The following PARP8 variants were observed in gnomAD, a reference collection of about 807,000 sequenced individuals.
PARP8 encodes poly(ADP-ribose) polymerase family member 8, also known as protein mono-ADP-ribosyltransferase PARP8.
A neutral mutation model predicts 124.1 loss-of-function variants in PARP8; 51 were observed. That is an observed-to-expected ratio of 0.41 (90% CI 0.33 to 0.52). The LOEUF is 0.52. Ranked by LOEUF, PARP8 falls within the 20% of genes least tolerant of loss-of-function variation. The pLI, the probability that PARP8 is intolerant of heterozygous loss-of-function variation, is 0.21. For missense variants in PARP8, 860 were observed against 1,018.9 expected (o/e 0.84, Z 2.12); for synonymous variants, 391 against 361.5 (o/e 1.08, Z -0.93).
chr5:50,683,102 G>T (rs916556714), intron 2 of PARP8, among the ~76,000 whole-genome samples: 1 of 152,098 alleles, frequency 6.6e-6, no homozygotes, highest in Non-Finnish European at 1.5e-5. Flanking sequence ...ATCATGAAGC[G>T]AGTGAGATGA....
At chr5:50,763,048 G>A (rs1760716995) in intron 6 of PARP8, 100 bp from the exon 7 acceptor site, 2 of 768,850 alleles carry the variant, frequency 2.6e-6, no homozygotes, top group Non-Finnish European at 4.4e-6. Context: ...AGCTAAAAAT[G>A]CCCATGGCAA....
chr5:50,716,475 TA>T (rs1755332171), intron 2 of PARP8, among the ~76,000 whole-genome samples: 1 of 152,046 alleles, frequency 6.6e-6, no homozygotes, highest in African/African-American at 2.4e-5. Flanking sequence ...GTTTCAAAGT[TA>T]CTTTCCCTAC....
intron 2 of PARP8, among the ~76,000 whole-genome samples, chr5:50,729,339 T>C (rs1173228746): frequency 1.3e-5 from 2 of 152,072 alleles, no homozygotes; most frequent in Non-Finnish European, 2.9e-5. Flanking sequence ...CTTGGCTATT[T>C]AATACATTGC....
At chr5:50,685,612 A>G (rs529008533) in intron 2 of PARP8, among the ~76,000 whole-genome samples, 2 of 152,276 alleles carry the variant, frequency 1.3e-5, no homozygotes, top group African/African-American at 4.8e-5. Flanking sequence ...TTTTATTTTT[A>G]TAGAGATAGG....
chr5:50,704,808 T>C (rs2149480417), intron 2 of PARP8, among the ~76,000 whole-genome samples: 1 of 152,344 alleles, frequency 6.6e-6, no homozygotes, highest in South Asian at 2.1e-4. Flanking sequence ...GCTTGCAATA[T>C]ATTTCTTTTG....
At chr5:50,812,565 TTTCTTTTGCTGTG>T (rs1455128720) in intron 14 of PARP8, among the ~76,000 whole-genome samples, 2 of 152,134 alleles carry the variant, frequency 1.3e-5, no homozygotes, top group Non-Finnish European at 2.9e-5. Context: ...CTGATGGTAG[TTTCTTTTGCTGTG>T]CAGAAGCTCT....
intron 2 of PARP8, among the ~76,000 whole-genome samples, chr5:50,681,849 C>G (rs1202235268): frequency 6.6e-6 from 1 of 152,120 alleles, no homozygotes; most frequent in East Asian, 1.9e-4. Context: ...TCCCTACACC[C>G]TGTTCTACTT....
rs1759093774 is a variant in PARP8, at chr5:50,750,280, T to C, written c.184+92T>C. The C allele has an allele frequency of 1.8e-5, 20 of 1,083,196 alleles. No individual in the cohort carries two copies. In the South Asian group the frequency reaches 2.2e-4, roughly 12 times the overall value. The allele number at this position is 1,083,196 out of a possible 1,614,324, so 67.1% of individuals were successfully genotyped here. On this transcript the variant is annotated intron_variant, in intron 3 of 25. Coordinates refer to ENST00000281631, the MANE Select transcript of PARP8 (RefSeq NM_024615.4). Reference sequence around the variant, plus strand: ...AGATGTAAAACGCATATAAATATATTGAGGGGTGAAACACTGGTAGAGGAA... The same window carrying C: ...AGATGTAAAACGCATATAAATATATCGAGGGGTGAAACACTGGTAGAGGAA...
At chr5:50,712,827 A>G (rs1416870575) in intron 2 of PARP8, among the ~76,000 whole-genome samples, 2 of 152,160 alleles carry the variant, frequency 1.3e-5, no homozygotes, top group South Asian at 2.1e-4. Context: ...AACAGGAAAG[A>G]AGGAGGAACA....
chr5:50,757,759 T>C (rs1340110052), intron 3 of PARP8, among the ~76,000 whole-genome samples: 1 of 152,180 alleles, frequency 6.6e-6, no homozygotes, highest in Non-Finnish European at 1.5e-5. Flanking sequence ...TATTTAGTTA[T>C]TCACTCCCCT....
At chr5:50,688,303 A>G (rs1197447456) in intron 2 of PARP8, among the ~76,000 whole-genome samples, 1 of 152,200 alleles carries the variant, frequency 6.6e-6, no homozygotes, top group East Asian at 1.9e-4. Context: ...TTACTGTATA[A>G]GAATACTTCA....
intron 3 of PARP8, among the ~76,000 whole-genome samples, chr5:50,754,647 T>G (rs1421523867): frequency 6.6e-6 from 1 of 152,224 alleles, no homozygotes; most frequent in African/African-American, 2.4e-5. Context: ...TAAACGTACG[T>G]ATGCATGTGT....
chr5:50,721,142 A>G (rs1192589268), intron 2 of PARP8, among the ~76,000 whole-genome samples: 2 of 151,884 alleles, frequency 1.3e-5, no homozygotes, highest in African/African-American at 4.8e-5. Context: ...GATGGGATAA[A>G]GTATTTTCAG....
chr5:50,789,420 G>A (rs1416587234), intron 10 of PARP8, among the ~76,000 whole-genome samples: 2 of 152,074 alleles, frequency 1.3e-5, no homozygotes, highest in Non-Finnish European at 2.9e-5. Flanking sequence ...AGAACTTTGG[G>A]ACCCACTGGC....
intron 14 of PARP8, among the ~76,000 whole-genome samples, chr5:50,814,181 G>A (rs988786971): frequency 6.6e-6 from 1 of 152,060 alleles, no homozygotes; most frequent in Non-Finnish European, 1.5e-5. Context: ...GTAAGTGGTT[G>A]CCACTCTTAT....
At chr5:50,807,315 C>T in intron 14 of PARP8, among the ~76,000 whole-genome samples, 1 of 152,054 alleles carries the variant, frequency 6.6e-6, no homozygotes, top group East Asian at 1.9e-4. Flanking sequence ...AAATGTCACT[C>T]TCAGATTTGA....
intron 2 of PARP8, among the ~76,000 whole-genome samples, chr5:50,725,605 CAATT>C (rs1266864040): frequency 1.3e-5 from 2 of 152,048 alleles, no homozygotes; most frequent in Non-Finnish European, 2.9e-5. Flanking sequence ...ATATGGCTGT[CAATT>C]AAAGCAAAAT....
intron 7 of PARP8, among the ~76,000 whole-genome samples, 180 bp from the exon 8 acceptor site, chr5:50,777,889 A>G (rs1479865518): frequency 6.6e-6 from 1 of 152,230 alleles, no homozygotes. Context: ...TGTGGTATAA[A>G]CAGAAAAATG....
At chr5:50,681,816 C>G (rs1173393576) in intron 2 of PARP8, among the ~76,000 whole-genome samples, 1 of 151,856 alleles carries the variant, frequency 6.6e-6, no homozygotes, top group Non-Finnish European at 1.5e-5. Flanking sequence ...CACTTCAAGC[C>G]CTCATCTCTA....
Sources: gnomAD v4.1 joint callset for allele counts (sites outside exome capture counted in the v4.1 genomes callset) on GRCh38, gnomAD v4.1.1 for gene constraint, MANE v1.5 for transcripts, NCBI Gene and HGNC (gene_info 2026-07-23, HGNC 2026-07-21) for gene names.